SAMMSON: variants seen among roughly 807,000 people sequenced by gnomAD.
The protein encoded by SAMMSON is long intergenic non-protein coding RNA 1212.
chr3:70,319,959 C>A (rs1702524935), intron 7 of SAMMSON, among the ~76,000 whole-genome samples: 2 of 152,028 alleles, frequency 1.3e-5, no homozygotes, highest in Non-Finnish European at 2.9e-5. Flanking sequence ...CCTAGAAATA[C>A]ATTAGTAAAT....
chr3:70,091,454 T>G (rs1363634264), intron 4 of SAMMSON, among the ~76,000 whole-genome samples: 1 of 152,188 alleles, frequency 6.6e-6, no homozygotes, highest in Non-Finnish European at 1.5e-5. Flanking sequence ...ATCTGACTGC[T>G]GCAGCCAAAA....
intron 3 of SAMMSON, among the ~76,000 whole-genome samples, chr3:70,060,671 G>A (rs939441647): frequency 2.0e-5 from 3 of 152,088 alleles, no homozygotes; most frequent in Admixed American, 1.3e-4. Context: ...GTAGGCAGAG[G>A]CCAGGGATGC....
intron 7 of SAMMSON, among the ~76,000 whole-genome samples, chr3:70,329,468 G>T (rs528042820): frequency 6.6e-6 from 1 of 151,968 alleles, no homozygotes; most frequent in Admixed American, 6.6e-5. Context: ...ACTCAATCAT[G>T]TATATCAAAA....
intron 4 of SAMMSON, among the ~76,000 whole-genome samples, chr3:70,178,130 C>A (rs1701022234): frequency 6.6e-6 from 1 of 152,148 alleles, no homozygotes; most frequent in Admixed American, 6.5e-5. Context: ...CCCCTTCCCC[C>A]AGGAGGGCTG....
At chr3:70,346,610 A>C (rs757682151) in intron 7 of SAMMSON, among the ~76,000 whole-genome samples, 2 of 152,180 alleles carry the variant, frequency 1.3e-5, no homozygotes, top group Non-Finnish European at 2.9e-5. Flanking sequence ...CTTCTCAAAC[A>C]GAAATACCTA....
At chr3:70,356,265 C>T (rs574713580) in intron 8 of SAMMSON, among the ~76,000 whole-genome samples, 4 of 152,052 alleles carry the variant, frequency 2.6e-5, no homozygotes, top group African/African-American at 7.2e-5. Context: ...AATTATCACA[C>T]GAAATAATAT....
At chr3:70,116,409 C>G (rs553629893) in intron 4 of SAMMSON, among the ~76,000 whole-genome samples, 138 of 149,428 alleles carry the variant, frequency 9.2e-4, no homozygotes, top group African/African-American at 3.0e-3. Flanking sequence ...ATTCTGTGCA[C>G]TTTCCAGTAA....
chr3:70,045,023 TATA>T (rs1220797381), intron 3 of SAMMSON, among the ~76,000 whole-genome samples: 8 of 129,152 alleles, frequency 6.2e-5, no homozygotes, highest in Middle Eastern at 4.1e-3. Context: ...TATAATTAAT[TATA>T]ATATATATTA....
chr3:70,132,350 T>C (rs1576130466), intron 4 of SAMMSON, among the ~76,000 whole-genome samples: 1 of 152,196 alleles, frequency 6.6e-6, no homozygotes, highest in African/African-American at 2.4e-5. Flanking sequence ...TAGGCCCTAA[T>C]TGTAATACAT....
chr3:70,395,738 G>C (rs1701087261), intron 2 of SAMMSON, among the ~76,000 whole-genome samples: 1 of 152,012 alleles, frequency 6.6e-6, no homozygotes, highest in Admixed American at 6.6e-5. Context: ...CATCCAACCA[G>C]GTAAGATTAA....
intron 4 of SAMMSON, among the ~76,000 whole-genome samples, chr3:70,151,671 A>G (rs1391192577): frequency 3.9e-5 from 6 of 152,102 alleles, no homozygotes; most frequent in African/African-American, 1.4e-4. Flanking sequence ...CTTTACTTCA[A>G]AATACAATAT....
intron 9 of SAMMSON, among the ~76,000 whole-genome samples, chr3:70,380,810 T>TG (rs1173935342): frequency 6.6e-6 from 1 of 152,108 alleles, no homozygotes; most frequent in African/African-American, 2.4e-5. Flanking sequence ...TTTTTGTCCT[T>TG]GCGATAGTTT....
chr3:70,044,359 A>T (rs1300245893), intron 3 of SAMMSON, among the ~76,000 whole-genome samples: 1 of 151,950 alleles, frequency 6.6e-6, no homozygotes, highest in Middle Eastern at 3.2e-3. Context: ...GTGAATCTGG[A>T]TGTTTTAGGC....
chr3:70,418,209 G>C (rs1196030664), intron 2 of SAMMSON, among the ~76,000 whole-genome samples: 5 of 152,164 alleles, frequency 3.3e-5, no homozygotes, highest in Admixed American at 3.3e-4. Flanking sequence ...GTACAATGAA[G>C]ATAGTTTCCT....
intron 3 of SAMMSON, among the ~76,000 whole-genome samples, chr3:70,044,880 A>T (rs959622856): frequency 2.0e-5 from 3 of 146,714 alleles, no homozygotes; most frequent in Admixed American, 6.9e-5. Flanking sequence ...TTTAAATAAA[A>T]TACTTTAATT....
At chr3:70,105,155 A>C (rs1244587037) in intron 4 of SAMMSON, among the ~76,000 whole-genome samples, 1 of 152,160 alleles carries the variant, frequency 6.6e-6, no homozygotes, top group Non-Finnish European at 1.5e-5. Flanking sequence ...TTTAAAAGAT[A>C]GGCTGAAATT....
At chr3:70,202,141 T>C (rs1701246181) in intron 4 of SAMMSON, among the ~76,000 whole-genome samples, 1 of 152,122 alleles carries the variant, frequency 6.6e-6, no homozygotes, top group Admixed American at 6.6e-5. Flanking sequence ...CTGATAGTGA[T>C]TGGTGACTGA....
chr3:70,051,157 A>G (rs1202718591), intron 3 of SAMMSON, among the ~76,000 whole-genome samples: 2 of 148,326 alleles, frequency 1.3e-5, no homozygotes, highest in African/African-American at 2.5e-5. Context: ...AAAAAAAAAA[A>G]AAAGAAAAAA....
chr3:70,132,800 A>G (rs986565310), intron 4 of SAMMSON, among the ~76,000 whole-genome samples: 2 of 151,462 alleles, frequency 1.3e-5, no homozygotes, highest in East Asian at 3.9e-4. Flanking sequence ...GAAAAAAAAA[A>G]CAATTTATGA....
Sources: gnomAD v4.1 joint callset for allele counts (sites outside exome capture counted in the v4.1 genomes callset) on GRCh38, gnomAD v4.1.1 for gene constraint, MANE v1.5 for transcripts, NCBI Gene and HGNC (gene_info 2026-07-23, HGNC 2026-07-21) for gene names.